CPEB3: variants seen among roughly 807,000 people sequenced by gnomAD.
CPEB3 encodes the protein cytoplasmic polyadenylation element binding protein 3.
Under a neutral mutation model 67.2 loss-of-function variants are expected in CPEB3, and 20 were observed. The observed-to-expected ratio is 0.30, with a 90% CI of 0.21 to 0.43. The LOEUF (loss-of-function observed/expected upper bound fraction) is 0.43, where lower values mean the gene tolerates loss of function less well. Among genes scored for constraint, CPEB3 ranks in the 20% least tolerant of loss-of-function variants. The pLI is 1.00. For synonymous variants in CPEB3, 376 were observed against 393.1 expected, an observed-to-expected ratio of 0.96 and a Z score of 0.51; for missense variants, 746 against 968.6, an observed-to-expected ratio of 0.77 and a Z score of 3.05.
rs11816877 is a variant in CPEB3 at position 92,289,934 on chromosome 10, G to A, written c.-12+992C>T. The stretch of plus-strand genomic sequence containing the variant: ...TGTGTGTGTATGTGTGTGGTGGGGG[G>A]GGGTGGGTGCTGTTTCTCAAAAACA... On this transcript the variant is annotated intron_variant, in intron 1 of 9. Transcript: ENST00000265997. Among the ~76,000 whole-genome samples the A allele has an allele frequency of 6.0e-3, 753 of 125,676 alleles. 45 individuals carry two copies. Among genetic ancestry groups the A allele is most frequent in the African/African-American group, 0.026 (723 of 27,408 alleles). The allele number at this position is 125,676 out of a possible 152,430, so 82.4% of individuals were successfully genotyped here. A position where few individuals can be genotyped will look rare whatever the true frequency, so the allele number is the denominator to read the frequency against.
At chr10:92,111,309 G>C (rs701846) in intron 6 of CPEB3, 115 bp from the exon 7 acceptor site, 1 of 745,834 alleles carries the variant, frequency 1.3e-6, no homozygotes. Flanking sequence ...AATCTAAGAA[G>C]TTCAAGTGGG....
At chr10:92,201,463 C>G (rs1481688212) in intron 2 of CPEB3, among the ~76,000 whole-genome samples, 3 of 152,084 alleles carry the variant, frequency 2.0e-5, no homozygotes, top group African/African-American at 4.8e-5. Flanking sequence ...GGGAGGCAGA[C>G]GCTACAGTGA....
At chr10:92,130,607 C>T (rs148748608) in intron 6 of CPEB3, among the ~76,000 whole-genome samples, 3 of 150,960 alleles carry the variant, frequency 2.0e-5, no homozygotes, top group East Asian at 3.9e-4. Context: ...AAACATGCAA[C>T]GAGACAGTCC....
chr10:92,240,167 G>A lies in CPEB3; in HGVS notation c.184C>T (p.Pro62Ser), dbSNP rs183304587. 1.1e-5 allele frequency: 17 copies of A among 1,546,808 alleles called. No homozygotes were observed. The highest frequency in any genetic ancestry group is 1.4e-5 in the Non-Finnish European group (16 of 1,144,532). ...AVPALSPAAA[P>S]PAPNGPDKMQ... is the part of the protein sequence containing the mutation. ...TTGTCCGGGCCGTTGGGGGCCGGGG[G>A]GGCAGCGGCTGGGCTGAGGGCCGGC... Residue 62 changes from proline to serine, a missense_variant, in exon 2 of 10, where the codon CCC becomes TCC. By Grantham distance (74) the Pro-to-Ser change is moderately conservative (BLOSUM62 -1). This residue lies in a region of CPEB3 where 643 missense variants were observed against 717.5 expected (regional missense o/e 0.90). Coordinates refer to ENST00000265997, the MANE Select transcript of CPEB3 (RefSeq NM_014912.5).
chr10:92,275,164 G>A (rs566507569), intron 1 of CPEB3, among the ~76,000 whole-genome samples: 2 of 152,186 alleles, frequency 1.3e-5, no homozygotes, highest in Non-Finnish European at 2.9e-5. Flanking sequence ...CTCAACCTCA[G>A]CATTACTGAT....
intron 9 of CPEB3, among the ~76,000 whole-genome samples, chr10:92,074,048 A>G (rs1161723009): frequency 6.6e-6 from 1 of 152,182 alleles, no homozygotes; most frequent in Non-Finnish European, 1.5e-5. Context: ...TATGTGAAAG[A>G]ATGGTTTAAA....
chr10:92,269,552 T>C (rs539253709), intron 1 of CPEB3, among the ~76,000 whole-genome samples: 23 of 152,232 alleles, frequency 1.5e-4, no homozygotes, highest in Admixed American at 3.9e-4. Context: ...AGCTGATGAT[T>C]AAACCTGAAT....
upstream of CPEB3, chr10:92,291,166 T>C (rs987835774): frequency 4.4e-6 from 2 of 455,200 alleles, no homozygotes; most frequent in African/African-American, 4.2e-5. Context: ...CGGCGACTCT[T>C]ACCTCACAAA....
At chr10:92,134,721 CA>C (rs1219302736) in intron 6 of CPEB3, among the ~76,000 whole-genome samples, 4 of 151,740 alleles carry the variant, frequency 2.6e-5, no homozygotes, top group Non-Finnish European at 4.4e-5. Flanking sequence ...TTCTAGGCAA[CA>C]AGAACAAAGC....
At chr10:92,053,762 C>T (rs976689503) in intron 9 of CPEB3, among the ~76,000 whole-genome samples, 2 of 152,082 alleles carry the variant, frequency 1.3e-5, no homozygotes, top group South Asian at 2.1e-4. Context: ...AGGATGGTCT[C>T]GATCCCCTGA....
At chr10:92,141,489 G>C (rs1846418603) in intron 6 of CPEB3, among the ~76,000 whole-genome samples, 1 of 151,274 alleles carries the variant, frequency 6.6e-6, no homozygotes, top group Non-Finnish European at 1.5e-5. Flanking sequence ...TGTGGGGTGG[G>C]GGGATGGGGG....
chr10:92,161,471 C>T (rs993285956), intron 4 of CPEB3, among the ~76,000 whole-genome samples: 13 of 152,110 alleles, frequency 8.5e-5, no homozygotes, highest in African/African-American at 3.1e-4. Context: ...CACGATTTCA[C>T]CATGTTGGCC....
rs1321884766 is a variant in CPEB3 at position 92,049,772 on chromosome 10, G to A, written c.*2440C>T. 6.6e-6 allele frequency: 1 copy of A among 152,464 alleles called. No individual in the cohort carries two copies. Among genetic ancestry groups the A allele is most frequent in the Non-Finnish European group, 1.5e-5 (1 of 68,030 alleles). The allele number at this position is 152,464 out of a possible 1,614,324, so 9.4% of individuals were successfully genotyped here. On this transcript the variant is annotated 3_prime_UTR_variant, in exon 10 of 10. Coordinates refer to ENST00000265997, the MANE Select transcript of CPEB3 (RefSeq NM_014912.5). The stretch of plus-strand genomic sequence containing the variant: ...CAGTGTTATTTTAATACATGAAAGA[G>A]GGGTGCTTCTTCAAAAAGTTTTGCT...
chr10:92,288,199 C>T (rs942753077), intron 1 of CPEB3, among the ~76,000 whole-genome samples: 2 of 152,084 alleles, frequency 1.3e-5, no homozygotes, highest in African/African-American at 4.8e-5. Context: ...GTGGCTCATG[C>T]CTGTAATCCT....
intron 1 of CPEB3, among the ~76,000 whole-genome samples, chr10:92,276,167 C>T (rs992854230): frequency 6.6e-6 from 1 of 151,592 alleles, no homozygotes; most frequent in African/African-American, 2.4e-5. Flanking sequence ...TTTTCATTAT[C>T]AAATATTCCG....
chr10:92,221,099 A>T (rs1355304888), intron 2 of CPEB3, among the ~76,000 whole-genome samples: 2 of 152,196 alleles, frequency 1.3e-5, no homozygotes, highest in Non-Finnish European at 2.9e-5. Flanking sequence ...ATGTTCCCCT[A>T]AAGAGAGGAG....
intron 1 of CPEB3, among the ~76,000 whole-genome samples, chr10:92,272,546 T>A (rs1853353493): frequency 6.6e-6 from 1 of 152,162 alleles, no homozygotes; most frequent in African/African-American, 2.4e-5. Context: ...TATCTTCAAT[T>A]CTAATCCAAC....
chr10:92,096,108 C>T (rs1021060875), intron 7 of CPEB3, among the ~76,000 whole-genome samples: 1 of 149,580 alleles, frequency 6.7e-6, no homozygotes, highest in Non-Finnish European at 1.5e-5. Context: ...AACTTGACCT[C>T]AGGTGATCTA....
rs772177484 is a variant in CPEB3, at chr10:92,145,150, T to C, written c.1223-65A>G. The C allele has an allele frequency of 3.8e-6, 6 of 1,582,258 alleles. No homozygotes were observed. The African/African-American group carries it at 8.1e-5, about 21-fold the overall frequency. ...TGGGAGTTTCTATAATTAAAATGAT[T>C]TTCTAGGACAATAAATGCTCTATTA... On this transcript the variant is annotated intron_variant, in intron 4 of 9. Coordinates refer to ENST00000265997, the MANE Select transcript of CPEB3 (RefSeq NM_014912.5).
Sources: gnomAD v4.1 joint callset for allele counts (sites outside exome capture counted in the v4.1 genomes callset) on GRCh38, gnomAD v4.1.1 for gene constraint, gnomAD v4.1.1 regional missense constraint, MANE v1.5 for transcripts, NCBI Gene and HGNC (gene_info 2026-07-23, HGNC 2026-07-21) for gene names.